The following AARSD1 variants were observed in gnomAD, a reference collection of about 807,000 sequenced individuals.
AARSD1 encodes alanyl-tRNA editing protein Aarsd1.
AARSD1 carries 44 observed loss-of-function variants against 48.7 expected under a neutral mutation model. That is an observed-to-expected ratio of 0.90 (90% CI 0.71 to 1.16). AARSD1 has a LOEUF of 1.16. Ranked by LOEUF, AARSD1 falls within the 50% of genes most tolerant of loss-of-function variation. The probability of loss-of-function intolerance (pLI) is 0.00; values close to 1 mark genes in which losing one functional copy is unlikely to be tolerated. For synonymous variants in AARSD1, 189 were observed against 194.9 expected, an observed-to-expected ratio of 0.97 and a Z score of 0.25; for missense variants, 511 against 523.1, an observed-to-expected ratio of 0.98 and a Z score of 0.23.
chr17:42,959,486 C>T (rs1298038577), intron 3 of AARSD1, among the ~76,000 whole-genome samples: 3 of 151,704 alleles, frequency 2.0e-5, no homozygotes, highest in Non-Finnish European at 4.4e-5. Context: ...ACTTGGCCTC[C>T]CAAAATGCTG....
rs771329090 is a variant in AARSD1, at chr17:42,950,635, C to G, written c.1197G>C (p.Ala399=). 5.6e-6 allele frequency: 9 copies of G among 1,613,984 alleles called. No homozygotes were observed. Among genetic ancestry groups the G allele is most frequent in the African/African-American group, 1.3e-5 (1 of 75,010 alleles). ...GCGTGCTGATGTAGTCCTGGAGAAGCGCCTGCGCCTCCATCCGCCGGCTCA... is the reference window on the plus strand; with the variant it reads ...GCGTGCTGATGTAGTCCTGGAGAAGGGCCTGCGCCTCCATCCGCCGGCTCA... The part of the protein sequence containing the change: ...TKMSRRMEAQ[A]LLQDYISTQS... Residue 399 remains alanine (A), a synonymous_variant, in exon 12 of 12, where the codon GCG becomes GCC. Transcript: ENST00000427569.
At chr17:42,960,289 G>A (rs1021319036) in intron 3 of AARSD1, among the ~76,000 whole-genome samples, 7 of 151,334 alleles carry the variant, frequency 4.6e-5, no homozygotes, top group African/African-American at 1.2e-4. Flanking sequence ...GACTGTTCTG[G>A]TGCTATGTGG....
chr17:42,962,705 G>A (rs111898605), intron 2 of AARSD1, among the ~76,000 whole-genome samples: 1 of 152,162 alleles, frequency 6.6e-6, no homozygotes, highest in African/African-American at 2.4e-5. Context: ...CAAGTCTACT[G>A]AACATGTTCT....
chr17:42,960,712 ACT>A (rs1288315268), intron 3 of AARSD1, among the ~76,000 whole-genome samples: 2 of 148,822 alleles, frequency 1.3e-5, no homozygotes. Context: ...ACAGAGCGAA[ACT>A]CTGTGTCAAA....
At position 42,951,908 on chromosome 17, in the gene AARSD1, C is replaced by T. The variant is rs2151939410; in HGVS notation, c.1009-14G>A. 1.9e-6 allele frequency: 3 copies of T among 1,613,366 alleles called. No individual in the cohort carries two copies. Among genetic ancestry groups the T allele is most frequent in the Non-Finnish European group, 2.5e-6 (3 of 1,179,544 alleles). On this transcript the variant is annotated splice_polypyrimidine_tract_variant and intron_variant, in intron 10 of 11. Transcript: ENST00000427569. Reference sequence around the variant, plus strand: ...CAGGAGGGTCTCCTAGGAGGTAAGACAAGGAGATAAGCTCTGATACTGAAG... The same window carrying T: ...CAGGAGGGTCTCCTAGGAGGTAAGATAAGGAGATAAGCTCTGATACTGAAG...
Position 42,964,197 on chromosome 17 carries a change from T to C in AARSD1, c.80A>G (p.Gln27Arg), listed in dbSNP as rs776279392. The change falls in exon 2 of 12, where the codon CAG (glutamine) becomes CGG (arginine). Residue 27 changes from glutamine to arginine, a missense_variant. Transcript: ENST00000427569. ...TTTCTTGCCGTTGCTCCCTTCAGTC[T>C]GCAGCTCCGCGGGACAGCAGGAGAC... ...TVVSCCPAEL[Q>R]TEGSNGKKEV... is the part of the protein sequence containing the mutation. The C allele has an allele frequency of 1.9e-6, 3 of 1,614,222 alleles. No individual in the cohort carries two copies.
intron 10 of AARSD1, 70 bp downstream of exon 10, chr17:42,953,654 T>C (rs2049508090): frequency 1.9e-6 from 3 of 1,608,270 alleles, no homozygotes; most frequent in African/African-American, 2.7e-5. Flanking sequence ...TTGGCTAAAC[T>C]AGCGCCCCTC....
chr17:42,952,806 A>C (rs964162074), intron 10 of AARSD1, among the ~76,000 whole-genome samples: 1 of 149,132 alleles, frequency 6.7e-6, no homozygotes, highest in East Asian at 2.0e-4. Flanking sequence ...GGGCTTGCCC[A>C]CTCCTGTATT....
At chr17:42,960,653 C>A (rs1445879054) in intron 3 of AARSD1, among the ~76,000 whole-genome samples, 1 of 146,020 alleles carries the variant, frequency 6.8e-6, no homozygotes, top group African/African-American at 2.6e-5. Context: ...ACCCGAGAGG[C>A]AGAGGTTGCA....
At chr17:42,957,061 A>G in intron 4 of AARSD1, 77 bp downstream of exon 4, 1 of 1,585,366 alleles carries the variant, frequency 6.3e-7, no homozygotes, top group South Asian at 1.1e-5. Flanking sequence ...CCCCGGCTCA[A>G]GCAATTCTCC....
chr17:42,957,326 C>G, intron 3 of AARSD1, 131 bp from the exon 4 acceptor site: 1 of 1,087,984 alleles, frequency 9.2e-7, no homozygotes, highest in Non-Finnish European at 1.3e-6. Context: ...CTGGGTAATA[C>G]ACTTTAGATA....
At position 42,961,215 on chromosome 17, in the gene AARSD1, A is replaced by C; in HGVS notation, c.308T>G (p.Phe103Cys). The part of the protein sequence containing the change: ...VLVRVDWERR[F>C]DHMQQHSGQH... The stretch of plus-strand genomic sequence containing the variant: ...ACCTGAATGCTGCTGCATGTGGTCA[A>C]ACCTCCGCTCCCAATCTACCCGGAC... Residue 103 changes from phenylalanine to cysteine, a missense_variant, in exon 3 of 12, where the codon TTT becomes TGT. Transcript: ENST00000427569. The C allele has an allele frequency of 6.2e-7, 1 of 1,613,320 alleles. No individual in the cohort carries two copies. Among genetic ancestry groups the C allele is most frequent in the Non-Finnish European group, 8.5e-7 (1 of 1,179,526 alleles).
chr17:42,959,733 G>A lies in AARSD1; in HGVS notation c.331+1459C>T, dbSNP rs556146018. On this transcript the variant is annotated intron_variant, in intron 3 of 11. Transcript: ENST00000427569. ...GGCTGGAGTGCAGTGGCGCGATCTC[G>A]GCTCACTGCAACCTCCACCTCCCAG... 3.1e-3 allele frequency among the ~76,000 whole-genome samples: 473 copies of A among 150,996 alleles called. 4 individuals are homozygous for A. Among genetic ancestry groups the A allele is most frequent in the African/African-American group, 0.011 (441 of 41,128 alleles).
At chr17:42,952,405 A>G (rs992558855) in intron 10 of AARSD1, among the ~76,000 whole-genome samples, 2 of 152,210 alleles carry the variant, frequency 1.3e-5, no homozygotes, top group African/African-American at 2.4e-5. Flanking sequence ...AGACTAGAAT[A>G]TGAGCTTCTT....
chr17:42,952,025 T>TG, intron 10 of AARSD1, 131 bp from the exon 11 acceptor site: 1 of 1,052,028 alleles, frequency 9.5e-7, no homozygotes, highest in Non-Finnish European at 1.4e-6. Flanking sequence ...TCCTGATGAA[T>TG]GATGATACAG....
intron 8 of AARSD1, 81 bp from the exon 9 acceptor site, chr17:42,955,048 C>T: frequency 6.2e-7 from 1 of 1,610,832 alleles, no homozygotes; most frequent in Non-Finnish European, 8.5e-7. Context: ...CTCATTCTCC[C>T]CTCACTCCCA....
At chr17:42,963,601 C>T (rs2049668713) in intron 2 of AARSD1, among the ~76,000 whole-genome samples, 1 of 152,016 alleles carries the variant, frequency 6.6e-6, no homozygotes, top group Non-Finnish European at 1.5e-5. Flanking sequence ...ACCTGAACTC[C>T]TTCAGGAACA....
At chr17:42,953,999 T>C (rs2049513059) in intron 9 of AARSD1, 1 of 580,812 alleles carries the variant, frequency 1.7e-6, no homozygotes, top group Non-Finnish European at 3.1e-6. Flanking sequence ...CTCCCTTAAA[T>C]AGGATTCACC....
intron 11 of AARSD1, 110 bp downstream of exon 11, chr17:42,951,690 G>C (rs1387943313): frequency 1.7e-6 from 2 of 1,163,408 alleles, no homozygotes; most frequent in Non-Finnish European, 2.5e-6. Flanking sequence ...ACATGCCCAT[G>C]ATGTGAATTA....
Sources: allele counts gnomAD v4.1 joint callset (sites outside exome capture counted in the v4.1 genomes callset), GRCh38; gene constraint gnomAD v4.1.1; transcripts MANE v1.5; gene names NCBI Gene and HGNC (gene_info 2026-07-23, HGNC 2026-07-21).